Variants in SYNPR observed in about 807,000 individuals in gnomAD.
SYNPR encodes the protein synaptoporin.
SYNPR carries 23 observed loss-of-function variants against 32.9 expected under a neutral mutation model. The ratio of observed to expected loss-of-function variants is 0.70; its 90% CI spans 0.50 to 0.99. The LOEUF is 0.99. Ranked by LOEUF, SYNPR falls within the 50% of genes least tolerant of loss-of-function variation. SYNPR has a pLI of 0.00. For synonymous variants in SYNPR, 146 were observed against 135.9 expected (o/e 1.07, Z -0.52); for missense variants, 318 against 349.3 (o/e 0.91, Z 0.71).
intron 1 of SYNPR, among the ~76,000 whole-genome samples, chr3:63,244,848 T>C (rs1480025034): frequency 2.0e-5 from 3 of 152,222 alleles, no homozygotes; most frequent in Admixed American, 6.5e-5. Flanking sequence ...TAAAATCACT[T>C]AGGCAGACAT....
intron 3 of SYNPR, among the ~76,000 whole-genome samples, chr3:63,510,445 C>T (rs6769716): frequency 0.38 from 57,562 of 151,958 alleles, 11,005 homozygotes; most frequent in Non-Finnish European, 0.42. Context: ...AAGGAGGTGA[C>T]AGCATTCTGA....
intron 2 of SYNPR, among the ~76,000 whole-genome samples, chr3:63,288,409 T>A (rs2086706243): frequency 6.6e-6 from 1 of 152,216 alleles, no homozygotes; most frequent in Non-Finnish European, 1.5e-5. Context: ...GCACTGGTAA[T>A]TTTCTCAAGA....
intron 4 of SYNPR, among the ~76,000 whole-genome samples, chr3:63,598,160 G>T (rs1302150354): frequency 4.6e-5 from 7 of 152,202 alleles, no homozygotes; most frequent in Admixed American, 4.6e-4. Context: ...TTGGTTATAT[G>T]TACTAATAGG....
chr3:63,595,087 C>CGG (rs1699910280), intron 4 of SYNPR, among the ~76,000 whole-genome samples: 1 of 152,094 alleles, frequency 6.6e-6, no homozygotes, highest in Non-Finnish European at 1.5e-5. Context: ...GGCACTTTTC[C>CGG]AAGTAAGTGT....
chr3:63,389,569 A>ATTGACTGCATTGACAATGC (rs1359721504), intron 2 of SYNPR, among the ~76,000 whole-genome samples: 2 of 152,184 alleles, frequency 1.3e-5, no homozygotes, highest in African/African-American at 4.8e-5. Flanking sequence ...GTTGGCAGGT[A>ATTGACTGCATTGACAATGC]AGGTATCTGC....
At chr3:63,424,231 C>T (rs1299979147) in intron 2 of SYNPR, among the ~76,000 whole-genome samples, 1 of 152,094 alleles carries the variant, frequency 6.6e-6, no homozygotes, top group Non-Finnish European at 1.5e-5. Context: ...TATATTCTTG[C>T]AACTTTTCTG....
intron 2 of SYNPR, among the ~76,000 whole-genome samples, chr3:63,324,974 AT>A: frequency 6.6e-6 from 1 of 152,206 alleles, no homozygotes; most frequent in African/African-American, 2.4e-5. Flanking sequence ...CTCTCAAGGC[AT>A]TTTTCCCTCA....
At chr3:63,580,201 T>A (rs2106859718) in intron 4 of SYNPR, among the ~76,000 whole-genome samples, 1 of 152,258 alleles carries the variant, frequency 6.6e-6, no homozygotes, top group Non-Finnish European at 1.5e-5. Context: ...GAAAGTCCTG[T>A]TAGTCTTGCA....
Position 63,517,613 on chromosome 3 carries a change from G to C in SYNPR, c.209+36657G>C, listed in dbSNP as rs139297425. ...CTTTTAGAATCATATTCTTGCCCTT[G>C]CGCTCATTTAAGAATCTGAGAAAAG... is the stretch of plus-strand genomic sequence containing the variant. On this transcript the variant is annotated intron_variant, in intron 3 of 5. Coordinates refer to ENST00000478300, the MANE Select transcript of SYNPR (RefSeq NM_001130003.2). 2.6e-3 allele frequency among the ~76,000 whole-genome samples: 390 copies of C among 152,188 alleles called. 1 individual carries two copies. The highest frequency in any genetic ancestry group is 0.017 in the Middle Eastern group (5 of 294).
chr3:63,222,011 ATT>A, the SYNPR span, among the ~76,000 whole-genome samples: 2,051 of 56,390 alleles, frequency 0.036, 50 homozygotes, highest in African/African-American at 0.11. Context: ...GCCATGCTCA[ATT>A]TTTTTTTTTT....
chr3:63,282,966 C>A (rs1484690003), intron 2 of SYNPR, among the ~76,000 whole-genome samples: 1 of 151,996 alleles, frequency 6.6e-6, no homozygotes, highest in African/African-American at 2.4e-5. Flanking sequence ...TGTATGAACA[C>A]AGAGGGAAGT....
At chr3:63,494,403 A>ATATATATATACG (rs1701317224) in intron 3 of SYNPR, among the ~76,000 whole-genome samples, 2 of 106,962 alleles carry the variant, frequency 1.9e-5, no homozygotes, top group African/African-American at 8.6e-5. Flanking sequence ...TTATATATAT[A>ATATATATATACG]TATATATATA....
chr3:63,528,189 C>T (rs2106784392), intron 3 of SYNPR, among the ~76,000 whole-genome samples: 1 of 152,270 alleles, frequency 6.6e-6, no homozygotes, highest in South Asian at 2.1e-4. Context: ...TCATCATTAA[C>T]ATCTCATTTT....
At chr3:63,368,352 G>C (rs1218435246) in intron 2 of SYNPR, among the ~76,000 whole-genome samples, 1 of 152,180 alleles carries the variant, frequency 6.6e-6, no homozygotes, top group Non-Finnish European at 1.5e-5. Context: ...GAGAAAGAGT[G>C]CAAGAAAGGG....
chr3:63,606,573 G>T (rs555357074), intron 4 of SYNPR, among the ~76,000 whole-genome samples: 1 of 151,700 alleles, frequency 6.6e-6, no homozygotes, highest in African/African-American at 2.4e-5. Flanking sequence ...TAGGACTACA[G>T]TCATGCCCCA....
At chr3:63,387,747 T>G (rs1032362760) in intron 2 of SYNPR, among the ~76,000 whole-genome samples, 1 of 152,120 alleles carries the variant, frequency 6.6e-6, no homozygotes, top group Admixed American at 6.5e-5. Flanking sequence ...CATTATGTAG[T>G]GGAGGCTATT....
intron 2 of SYNPR, among the ~76,000 whole-genome samples, chr3:63,453,030 G>A (rs867528368): frequency 3.8e-4 from 58 of 152,194 alleles, no homozygotes; most frequent in Middle Eastern, 3.4e-3. Flanking sequence ...GACCAGCAGC[G>A]TGGGCATCAC....
intron 3 of SYNPR, among the ~76,000 whole-genome samples, chr3:63,555,153 G>C (rs991414807): frequency 3.3e-5 from 5 of 151,904 alleles, no homozygotes; most frequent in Admixed American, 6.6e-5. Flanking sequence ...TATATCATCA[G>C]TGAAGAGAGA....
chr3:63,518,091 A>G (rs1701833818), intron 3 of SYNPR, among the ~76,000 whole-genome samples: 1 of 152,164 alleles, frequency 6.6e-6, no homozygotes, highest in Admixed American at 6.5e-5. Context: ...TTTACAGATT[A>G]TATGACCATA....
Sources: allele counts gnomAD v4.1 joint callset (sites outside exome capture counted in the v4.1 genomes callset), GRCh38; gene constraint gnomAD v4.1.1; transcripts MANE v1.5; gene names NCBI Gene and HGNC (gene_info 2026-07-23, HGNC 2026-07-21).